Variants in DHX37 observed in about 807,000 individuals in gnomAD.
DHX37 encodes the protein DEAH-box helicase 37.
A neutral mutation model predicts 134.3 loss-of-function variants in DHX37; 52 were observed. The ratio of observed to expected loss-of-function variants is 0.39; its 90% CI spans 0.31 to 0.49. The LOEUF (loss-of-function observed/expected upper bound fraction) is 0.49, where lower values mean the gene tolerates loss of function less well. DHX37 is among the 20% of genes least tolerant of loss of function. The pLI, the probability that DHX37 is intolerant of heterozygous loss-of-function variation, is 0.93. For missense variants in DHX37, 1,344 were observed against 1,580.8 expected, an observed-to-expected ratio of 0.85 and a Z score of 2.54; for synonymous variants, 634 against 670.7, an observed-to-expected ratio of 0.95 and a Z score of 0.85.
At position 124,967,071 on chromosome 12, in the gene DHX37, A is replaced by C. The variant is rs370068596; in HGVS notation, c.1504+52T>G. 66 of 1,598,042 alleles carry C rather than the reference A, an allele frequency of 4.1e-5. No homozygotes were observed. In the African/African-American group the frequency reaches 8.4e-4, roughly 20 times the overall value. On this transcript the variant is annotated intron_variant, in intron 11 of 26. Coordinates refer to ENST00000308736, the MANE Select transcript of DHX37 (RefSeq NM_032656.4). The stretch of plus-strand genomic sequence containing the variant: ...AGCTGCACCCCAGCCAGGGAGCGCG[A>C]GGCCAAGCCCAGCTGCTCAGGGCAG...
rs1953961289 is a variant in DHX37, at chr12:124,950,708, T to A, written c.2965A>T (p.Thr989Ser). ...TCGGCACCTTTCATGTACATCTTAG[T>A]GGTCTCCACGATTTCCTGGTAGACC... ...FVVYQEIVET[T>S]KMYMKGVSSV... Residue 989 changes from threonine to serine, a missense_variant, in exon 22 of 27, where the codon ACT becomes TCT. Around this residue, in one of 7 missense-constraint regions of DHX37, gnomAD observed 558 missense variants for 650.0 expected, o/e 0.86. Coordinates refer to ENST00000308736, the MANE Select transcript of DHX37 (RefSeq NM_032656.4). 1 of 1,611,962 alleles carries A rather than the reference T, an allele frequency of 6.2e-7. No individual in the cohort carries two copies.
chr12:124,979,765 A>G (rs1407369442), intron 4 of DHX37, among the ~76,000 whole-genome samples: 1 of 152,064 alleles, frequency 6.6e-6, no homozygotes, highest in East Asian at 1.9e-4. Flanking sequence ...AGAACCCCAC[A>G]CCCTCCTTGC....
rs1953993839 is a variant in DHX37, at chr12:124,952,445, C to T, written c.2821G>A (p.Val941Ile). ...AGLGDHLARR[V>I]QSEEMLEDKW... ...TCCTCCAGCATCTCCTCGCTCTGGA[C>T]CCTGCGGGCCAAGTGGTCCCCCAGG... is the stretch of plus-strand genomic sequence containing the variant. Residue 941 changes from valine to isoleucine, a missense_variant, in exon 21 of 27, where the codon GTC becomes ATC. Around this residue, in one of 7 missense-constraint regions of DHX37, gnomAD observed 558 missense variants for 650.0 expected, o/e 0.86. Coordinates refer to ENST00000308736, the MANE Select transcript of DHX37 (RefSeq NM_032656.4). 2 of 1,611,378 alleles carry T rather than the reference C, an allele frequency of 1.2e-6. No homozygotes were observed. Among genetic ancestry groups the T allele is most frequent in the Non-Finnish European group, 8.5e-7 (1 of 1,179,484 alleles).
At chr12:124,948,874 T>C (rs1481206138) in intron 25 of DHX37, among the ~76,000 whole-genome samples, 1 of 127,288 alleles carries the variant, frequency 7.9e-6, no homozygotes, top group Non-Finnish European at 1.6e-5. Context: ...CCCCTAATCA[T>C]CCCGGGACAG....
chr12:124,956,024 C>T (rs186798313), intron 18 of DHX37, among the ~76,000 whole-genome samples: 1 of 152,382 alleles, frequency 6.6e-6, no homozygotes, highest in African/African-American at 2.4e-5. Flanking sequence ...CTAGTGTCTG[C>T]TCTGTCATCT....
intron 6 of DHX37, among the ~76,000 whole-genome samples, chr12:124,974,507 G>T (rs77498405): frequency 7.0e-6 from 1 of 143,420 alleles, no homozygotes; most frequent in African/African-American, 2.6e-5. Context: ...CCCGGGGGCC[G>T]GTGGCTCTGT....
At chr12:124,974,288 T>C (rs550140358) in intron 6 of DHX37, among the ~76,000 whole-genome samples, 2 of 81,702 alleles carry the variant, frequency 2.4e-5, no homozygotes, top group South Asian at 9.1e-4. Context: ...ATTTAACAAG[T>C]TAAAAAGAGA....
At chr12:124,986,346 G>T (rs1295425717) in intron 1 of DHX37, 81 bp from the exon 2 acceptor site, 1 of 1,514,928 alleles carries the variant, frequency 6.6e-7, no homozygotes, top group Non-Finnish European at 8.9e-7. Flanking sequence ...TGACTTGCAT[G>T]GGGGCCTCCT....
At chr12:124,961,206 GTGTGCACGCA>G (rs1389713632) in intron 15 of DHX37, among the ~76,000 whole-genome samples, 4 of 83,312 alleles carry the variant, frequency 4.8e-5, no homozygotes, top group East Asian at 2.0e-3. Flanking sequence ...ACACATACAC[GTGTGCACGCA>G]CGCACACGCA....
In DHX37 at chr12:124,976,964, T is replaced by C. The variant is rs71458879; in HGVS notation, c.887+378A>G. 3.3e-5 allele frequency among the ~76,000 whole-genome samples: 5 copies of C among 150,308 alleles called. No homozygotes were observed. The South Asian group carries it at 8.4e-4, about 25-fold the overall frequency. On this transcript the variant is annotated intron_variant, in intron 5 of 26. Transcript: ENST00000308736. The stretch of plus-strand genomic sequence containing the variant: ...GAGGAGGCTGAGGCAGGAGAATCAC[T>C]TGAACCCGGGAGGCGGAGTTGCAGT...
intron 1 of DHX37, 109 bp from the exon 2 acceptor site, chr12:124,986,374 CA>C (rs1388382461): frequency 8.3e-7 from 1 of 1,209,130 alleles, no homozygotes; most frequent in East Asian, 2.3e-5. Context: ...CACACAGGAA[CA>C]GGGGGATCTG....
At chr12:124,971,468 C>T (rs1954522245) in intron 7 of DHX37, 53 bp from the exon 8 acceptor site, 25 of 1,586,362 alleles carry the variant, frequency 1.6e-5, no homozygotes, top group East Asian at 9.1e-5. Flanking sequence ...CCCCAAGGGC[C>T]GCTTCACGTC....
At chr12:124,955,879 T>C (rs1350698772) in intron 18 of DHX37, among the ~76,000 whole-genome samples, 3 of 138,804 alleles carry the variant, frequency 2.2e-5, no homozygotes, top group African/African-American at 8.2e-5. Flanking sequence ...GAATGGCCCA[T>C]GCAGTGATGT....
At chr12:124,968,711 T>C (rs1954451171) in intron 9 of DHX37, 63 bp from the exon 10 acceptor site, 2 of 1,611,400 alleles carry the variant, frequency 1.2e-6, no homozygotes, top group Non-Finnish European at 1.7e-6. Flanking sequence ...CAGGGCTGCC[T>C]TCCCTTTCCC....
At chr12:124,968,330 G>C (rs1954438822) in intron 10 of DHX37, among the ~76,000 whole-genome samples, 1 of 152,152 alleles carries the variant, frequency 6.6e-6, no homozygotes, top group Non-Finnish European at 1.5e-5. Context: ...TCCACCATCT[G>C]GTAGCTGCTG....
At chr12:124,971,280 C>T in intron 8 of DHX37, 22 bp downstream of exon 8, 4 of 1,608,002 alleles carry the variant, frequency 2.5e-6, no homozygotes, top group Non-Finnish European at 2.5e-6. Context: ...CGGGGCTCCC[C>T]AGCACCCGCC....
intron 6 of DHX37, among the ~76,000 whole-genome samples, chr12:124,974,155 C>T (rs546283110): frequency 6.1e-5 from 9 of 147,750 alleles, no homozygotes; most frequent in Non-Finnish European, 7.4e-5. Flanking sequence ...GGGGTTTCAC[C>T]GTGTTAGCCA....
chr12:124,956,895 G>C lies in DHX37; in HGVS notation c.2265-16C>G. The C allele has an allele frequency of 6.4e-7, 1 of 1,574,616 alleles. No individual in the cohort carries two copies. The highest frequency in any genetic ancestry group is 8.7e-7 in the Non-Finnish European group (1 of 1,153,958). ...TTGCTTCACCCTGGAGATGGAGGTG[G>C]TGGTGGCAGTGCTCTGAGAGGAGCT... On this transcript the variant is annotated splice_polypyrimidine_tract_variant and intron_variant, in intron 17 of 26. Transcript: ENST00000308736.
Position 124,989,005 on chromosome 12 carries a change from C to T in DHX37, c.18G>A (p.Arg6=), listed in dbSNP as rs763299072. The change falls in exon 1 of 27, where the codon CGG becomes CGA. Residue 6 remains arginine, a synonymous_variant. Coordinates refer to ENST00000308736, the MANE Select transcript of DHX37 (RefSeq NM_032656.4). MGKLR[R]RYNIKGRQQA... ...GCTGGCGCCCCTTGATGTTGTAGCG[C>T]CGGCGCAGCTTCCCCATGGCGACTA... The T allele has an allele frequency of 2.2e-6, 3 of 1,370,900 alleles. No individual in the cohort carries two copies. The South Asian group carries it at 6.2e-5, about 28-fold the overall frequency. 84.9% of individuals were successfully genotyped at this position (1,370,900 alleles called of 1,614,324 possible). A position where few individuals can be genotyped will look rare whatever the true frequency, so the allele number is the denominator to read the frequency against.
Sources: allele counts gnomAD v4.1 joint callset (sites outside exome capture counted in the v4.1 genomes callset), GRCh38; gene constraint gnomAD v4.1.1; regional missense constraint gnomAD v4.1.1; transcripts MANE v1.5; gene names NCBI Gene and HGNC (gene_info 2026-07-23, HGNC 2026-07-21).